The following TPGS2 variants were observed in gnomAD, a reference collection of about 807,000 sequenced individuals.
The protein encoded by TPGS2 is tubulin polyglutamylase complex subunit 2, also known as polyglutamylase subunit 2.
TPGS2 carries 26 observed loss-of-function variants against 31.1 expected under a neutral mutation model. That is an observed-to-expected ratio of 0.84 (90% CI 0.61 to 1.16). The LOEUF is 1.16. TPGS2 is among the 50% of genes most tolerant of loss of function. The probability of loss-of-function intolerance (pLI) is 0.00; values close to 1 mark genes in which losing one functional copy is unlikely to be tolerated. For synonymous variants in TPGS2, 130 were observed against 136.6 expected (o/e 0.95, Z 0.34); for missense variants, 351 against 363.8 (o/e 0.96, Z 0.29).
In TPGS2 at chr18:36,828,937, G is replaced by T; in HGVS notation, c.-170C>A. ...GGTCTGACAGCAGCAGCTCCGTGGG[G>T]CGCCGGTTCCCGCGGCCCCGCCCGG... On this transcript the variant is annotated 5_prime_UTR_variant, in exon 1 of 7. Coordinates refer to ENST00000334295, the MANE Select transcript of TPGS2 (RefSeq NM_015476.4). 2.0e-6 allele frequency: 2 copies of T among 983,256 alleles called. No individual in the cohort carries two copies. The highest frequency in any genetic ancestry group is 2.9e-6 in the Non-Finnish European group (2 of 695,758). 60.9% of individuals were successfully genotyped at this position (983,256 alleles called of 1,614,324 possible). A position where few individuals can be genotyped will look rare whatever the true frequency, so the allele number is the denominator to read the frequency against.
chr18:36,796,333 C>G lies in TPGS2; in HGVS notation c.*472G>C. ...ATCTTTGTGCTAATACAGAATCTACCAGCCACATGAATACTCAAAATGTGG... is the reference window on the plus strand; with the variant it reads ...ATCTTTGTGCTAATACAGAATCTACGAGCCACATGAATACTCAAAATGTGG... On this transcript the variant is annotated 3_prime_UTR_variant, in exon 7 of 7. Coordinates refer to ENST00000334295, the MANE Select transcript of TPGS2 (RefSeq NM_015476.4). The G allele has an allele frequency of 5.1e-6, 5 of 972,244 alleles. No individual in the cohort carries two copies. The highest frequency in any genetic ancestry group is 6.1e-6 in the Non-Finnish European group (5 of 817,928). 60.2% of individuals were successfully genotyped at this position (972,244 alleles called of 1,614,324 possible).
In TPGS2 at chr18:36,794,873, A is replaced by G; in HGVS notation, c.*1932T>C. On this transcript the variant is annotated 3_prime_UTR_variant, in exon 7 of 7. Transcript: ENST00000334295. ...CACACACACACACACACACACACACACACACACACGTTTAAATGACCACAC... is the reference window on the plus strand; with the variant it reads ...CACACACACACACACACACACACACGCACACACACGTTTAAATGACCACAC... 1.0e-6 allele frequency: 1 copy of G among 978,180 alleles called. No homozygotes were observed. The highest frequency in any genetic ancestry group is 4.8e-5 in the South Asian group (1 of 20,972). 60.6% of individuals were successfully genotyped at this position (978,180 alleles called of 1,614,324 possible).
chr18:36,800,326 G>C lies in TPGS2; in HGVS notation c.383-15C>G, dbSNP rs374069686. On this transcript the variant is annotated splice_polypyrimidine_tract_variant and intron_variant, in intron 4 of 6. Transcript: ENST00000334295. ...ATCATCACTGGCTGCAAACCCAGAA[G>C]TTAATGGTAATGTTCAAACAAACTC... 11 of 1,611,048 alleles carry C rather than the reference G, an allele frequency of 6.8e-6. No homozygotes were observed. Among genetic ancestry groups the C allele is most frequent in the Non-Finnish European group, 8.5e-6 (10 of 1,177,238 alleles).
Position 36,794,902 on chromosome 18 carries a change from A to G in TPGS2, c.*1903T>C, listed in dbSNP as rs11665141. Reference sequence around the variant, plus strand: ...ACACACGTTTAAATGACCACACTGAATTATAAGTGGTTAGTTTTGGGATTG... The same window carrying G: ...ACACACGTTTAAATGACCACACTGAGTTATAAGTGGTTAGTTTTGGGATTG... On this transcript the variant is annotated 3_prime_UTR_variant, in exon 7 of 7. Transcript: ENST00000334295. 0.15 allele frequency: 144,760 copies of G among 983,228 alleles called. 11,402 individuals carry two copies. Among genetic ancestry groups the G allele is most frequent in the Admixed American group, 0.17 (2,762 of 16,034 alleles). 60.9% of individuals were successfully genotyped at this position (983,228 alleles called of 1,614,324 possible). A position where few individuals can be genotyped will look rare whatever the true frequency, so the allele number is the denominator to read the frequency against.
intron 2 of TPGS2, among the ~76,000 whole-genome samples, chr18:36,813,337 C>A (rs554626942): frequency 6.6e-6 from 1 of 151,992 alleles, no homozygotes; most frequent in South Asian, 2.1e-4. Flanking sequence ...AGGAGCCACA[C>A]CAAGTGAGAT....
chr18:36,805,345 C>CA, intron 4 of TPGS2, 29 bp downstream of exon 4: 1 of 1,610,712 alleles, frequency 6.2e-7, no homozygotes, highest in Non-Finnish European at 8.5e-7. Context: ...ATGCTGGAAA[C>CA]AAAGATACCA....
At chr18:36,787,252 T>A (rs2044156151) in intron 6 of TPGS2, among the ~76,000 whole-genome samples, 2 of 152,190 alleles carry the variant, frequency 1.3e-5, no homozygotes. Flanking sequence ...GTCACTGCAG[T>A]ATGTGGACTA....
downstream of TPGS2, among the ~76,000 whole-genome samples, chr18:36,780,637 G>T (rs1276709600): frequency 3.3e-5 from 5 of 152,156 alleles, no homozygotes; most frequent in African/African-American, 1.2e-4. Flanking sequence ...ATGTACCTAG[G>T]CTATATGATA....
intron 6 of TPGS2, chr18:36,787,018 G>C (rs1288193483): frequency 8.1e-6 from 10 of 1,234,188 alleles, no homozygotes; most frequent in Non-Finnish European, 1.0e-5. Flanking sequence ...CCATTGGAGG[G>C]GCTCAACAGC....
intron 3 of TPGS2, among the ~76,000 whole-genome samples, chr18:36,806,942 TC>T (rs2045174978): frequency 7.3e-6 from 1 of 137,008 alleles, no homozygotes; most frequent in African/African-American, 2.8e-5. Context: ...CAAACAGAAC[TC>T]AGGTGTGTAG....
downstream of TPGS2, chr18:36,781,881 G>T (rs1372911394): frequency 1.0e-6 from 1 of 985,258 alleles, no homozygotes; most frequent in Non-Finnish European, 1.2e-6. Flanking sequence ...TGGAACTTGC[G>T]AGAGTTGGGT....
At chr18:36,811,163 G>C (rs553951050) in intron 2 of TPGS2, among the ~76,000 whole-genome samples, 2 of 152,220 alleles carry the variant, frequency 1.3e-5, no homozygotes, top group Non-Finnish European at 2.9e-5. Flanking sequence ...TGAGCACAAC[G>C]GCATCTCCTG....
intron 4 of TPGS2, among the ~76,000 whole-genome samples, chr18:36,803,803 A>G (rs1391596454): frequency 6.6e-6 from 1 of 152,048 alleles, no homozygotes; most frequent in African/African-American, 2.4e-5. Flanking sequence ...TATCCATAGA[A>G]AGTCTTTATG....
chr18:36,819,833 T>C (rs1445818891), intron 1 of TPGS2, among the ~76,000 whole-genome samples: 7 of 152,160 alleles, frequency 4.6e-5, no homozygotes, highest in African/African-American at 1.7e-4. Flanking sequence ...CAGACATAAT[T>C]AGTTTAGATG....
chr18:36,808,420 C>T (rs1040772662), intron 2 of TPGS2, among the ~76,000 whole-genome samples: 7 of 152,092 alleles, frequency 4.6e-5, no homozygotes, highest in African/African-American at 9.7e-5. Flanking sequence ...GGGCGGGTCA[C>T]GAGATCAGGA....
At chr18:36,798,668 T>C in intron 5 of TPGS2, 59 bp from the exon 6 acceptor site, 2 of 1,575,212 alleles carry the variant, frequency 1.3e-6, no homozygotes, top group Non-Finnish European at 1.7e-6. Context: ...TTTTTCTTTT[T>C]AACTGTAAAA....
At chr18:36,822,187 T>C (rs1177156346) in intron 1 of TPGS2, among the ~76,000 whole-genome samples, 2 of 152,190 alleles carry the variant, frequency 1.3e-5, no homozygotes, top group East Asian at 1.9e-4. Context: ...CAGCATTCAA[T>C]AAACCCCTGG....
intron 2 of TPGS2, among the ~76,000 whole-genome samples, chr18:36,815,662 A>C (rs765413217): frequency 5.3e-5 from 8 of 151,978 alleles, no homozygotes; most frequent in Non-Finnish European, 1.2e-4. Flanking sequence ...TGTTTAGCAT[A>C]ATCAGAAAAA....
Position 36,797,003 on chromosome 18 carries a change from G to A in TPGS2, c.705C>T (p.Leu235=). ...TCACAAAGGAGTCGGTCTCTTCTGT[G>A]AGCAGGTTTGTGTTGTAGGTGATAG... is the stretch of plus-strand genomic sequence containing the variant. ...YKPITYNTNL[L]TEETDSFVNK... The change falls in exon 7 of 7, where the codon CTC becomes CTT. Residue 235 remains leucine (L), a synonymous_variant. Transcript: ENST00000334295. 1 of 1,601,138 alleles carries A rather than the reference G, an allele frequency of 6.2e-7. No individual in the cohort carries two copies. Among genetic ancestry groups the A allele is most frequent in the South Asian group, 1.1e-5 (1 of 87,236 alleles).
Sources: gnomAD v4.1 joint callset for allele counts (sites outside exome capture counted in the v4.1 genomes callset) on GRCh38, gnomAD v4.1.1 for gene constraint, MANE v1.5 for transcripts, NCBI Gene and HGNC (gene_info 2026-07-23, HGNC 2026-07-21) for gene names.